TNFRSF1B: variants seen among roughly 807,000 people sequenced by gnomAD.
TNFRSF1B encodes the protein TNF receptor superfamily member 1B, also known as tumor necrosis factor receptor superfamily member 1B.
In TNFRSF1B, 19 loss-of-function variants were observed where a neutral mutation model predicts 44.6. That is an observed-to-expected ratio of 0.43 (90% confidence interval 0.30 to 0.62). The LOEUF (loss-of-function observed/expected upper bound fraction) is 0.62. Among genes scored for constraint, TNFRSF1B ranks in the 20% least tolerant of loss-of-function variants. The pLI is 0.16. For synonymous variants in TNFRSF1B, 252 were observed against 261.1 expected (o/e 0.97, Z 0.34); for missense variants, 541 against 619.9 (o/e 0.87, Z 1.35).
chr1:12,171,677 T>C lies in TNFRSF1B; in HGVS notation c.78+4508T>C, dbSNP rs964713553. On this transcript the variant is annotated intron_variant, in intron 1 of 9. Coordinates refer to ENST00000376259, the MANE Select transcript of TNFRSF1B (RefSeq NM_001066.3). The surrounding 1 kb of genome is among the most constrained non-coding windows in gnomAD (Gnocchi z 4.5). ...CAGTCAGTGCCTCTGACTTTAATTC[T>C]TTGTTGTGGGGCTGTCCCGTGAGCT... 1.3e-5 allele frequency among the ~76,000 whole-genome samples: 2 copies of C among 152,238 alleles called. No homozygotes were observed. Among genetic ancestry groups the C allele is most frequent in the African/African-American group, 4.8e-5 (2 of 41,454 alleles).
intron 1 of TNFRSF1B, among the ~76,000 whole-genome samples, chr1:12,175,210 G>A (rs1189219397): frequency 1.3e-5 from 2 of 152,240 alleles, no homozygotes; most frequent in Non-Finnish European, 2.9e-5. Flanking sequence ...GCCTGGGGCT[G>A]GGAGTCAGGG....
Position 12,193,899 on chromosome 1 carries a change from C to T in TNFRSF1B, c.788-56C>T, listed in dbSNP as rs1639207957. 3 of 1,489,052 alleles carry T rather than the reference C, an allele frequency of 2.0e-6. No homozygotes were observed. In the Admixed American group the frequency reaches 5.1e-5, roughly 25 times the overall value. 92.2% of individuals were successfully genotyped at this position (1,489,052 alleles called of 1,614,324 possible). A position where few individuals can be genotyped will look rare whatever the true frequency, so the allele number is the denominator to read the frequency against. Reference sequence around the variant, plus strand: ...GGGTCCCTGGCTTGCCTGGCTGGCCCCTGGTACATTTGAGTTTGTTTTCTG... The same window carrying T: ...GGGTCCCTGGCTTGCCTGGCTGGCCTCTGGTACATTTGAGTTTGTTTTCTG... On this transcript the variant is annotated intron_variant, in intron 6 of 9. Coordinates refer to ENST00000376259, the MANE Select transcript of TNFRSF1B (RefSeq NM_001066.3).
chr1:12,191,434 G>A (rs1052362721), intron 3 of TNFRSF1B, among the ~76,000 whole-genome samples: 14 of 151,942 alleles, frequency 9.2e-5, no homozygotes, highest in African/African-American at 3.1e-4. Context: ...ACTTCGGGGA[G>A]GAGCGGCACT....
chr1:12,194,081 G>A, intron 7 of TNFRSF1B, 49 bp downstream of exon 7: 1 of 1,510,132 alleles, frequency 6.6e-7, no homozygotes, highest in South Asian at 1.1e-5. Flanking sequence ...GGAAGCTTTT[G>A]TGGGGTGCCT....
rs1480802292 is a variant in TNFRSF1B, at chr1:12,177,271, T to G, written c.78+10102T>G. Among the ~76,000 whole-genome samples the G allele has an allele frequency of 6.6e-6, 1 of 151,924 alleles. No homozygotes were observed. Among genetic ancestry groups the G allele is most frequent in the African/African-American group, 2.4e-5 (1 of 41,336 alleles). On this transcript the variant is annotated intron_variant, in intron 1 of 9. Transcript: ENST00000376259. The surrounding 1 kb of genome is among the most constrained non-coding windows in gnomAD (Gnocchi z 4.3). ...ATCCACCTGCCTTGGCCTCCCAGAG[T>G]GCTGGGATTACAGGCGGGAGCCACC...
chr1:12,172,571 C>T (rs1306264881), intron 1 of TNFRSF1B, among the ~76,000 whole-genome samples: 1 of 152,200 alleles, frequency 6.6e-6, no homozygotes, highest in Non-Finnish European at 1.5e-5. Context: ...AGCCCCAGGG[C>T]CCTGAAGCTT....
At chr1:12,185,691 G>A (rs889010949) in intron 1 of TNFRSF1B, among the ~76,000 whole-genome samples, 1 of 152,230 alleles carries the variant, frequency 6.6e-6, no homozygotes, top group Admixed American at 6.5e-5. Context: ...GCAGGCCAGG[G>A]TGGAAAGTGC....
chr1:12,187,345 G>GT lies in TNFRSF1B; in HGVS notation c.79-1447dup, dbSNP rs1257931315. ...ATTTTGTATTTTTAGTAGAGACAGGGTTTTGCCTTGTTGGCCAGGCTGGTC... is the reference window on the plus strand; with the variant it reads ...ATTTTGTATTTTTAGTAGAGACAGGGTTTTTGCCTTGTTGGCCAGGCTGGTC... On this transcript the variant is annotated intron_variant, in intron 1 of 9. Coordinates refer to ENST00000376259, the MANE Select transcript of TNFRSF1B (RefSeq NM_001066.3). The surrounding 1 kb of genome is among the most constrained non-coding windows in gnomAD (Gnocchi z 5.5). Among the ~76,000 whole-genome samples the GT allele has an allele frequency of 6.6e-6, 1 of 152,124 alleles. No homozygotes were observed. The highest frequency in any genetic ancestry group is 2.4e-5 in the African/African-American group (1 of 41,412).
In TNFRSF1B at chr1:12,171,015, T is replaced by G. The variant is rs1017754218; in HGVS notation, c.78+3846T>G. On this transcript the variant is annotated intron_variant, in intron 1 of 9. Transcript: ENST00000376259. This position sits in a 1 kb window ranked among gnomAD's most constrained non-coding sequence, Gnocchi z 4.5. ...CTTCTTTTTTTCTATTTAATTTTTT[T>G]TTATTGAGATAGAGTCTTACTCTGT... Among the ~76,000 whole-genome samples the G allele has an allele frequency of 2.0e-5, 3 of 151,312 alleles. No homozygotes were observed. Among genetic ancestry groups the G allele is most frequent in the Non-Finnish European group, 4.4e-5 (3 of 67,834 alleles).
At chr1:12,167,572 G>A in intron 1 of TNFRSF1B, 1 of 306,648 alleles carries the variant, frequency 3.3e-6, no homozygotes, top group African/African-American at 2.3e-5. Flanking sequence ...GGTGGAGAAG[G>A]GGCTGTGCCG....
rs1638713479 is a variant in TNFRSF1B at position 12,178,494 on chromosome 1, A to G, written c.79-10302A>G. 6.6e-6 allele frequency among the ~76,000 whole-genome samples: 1 copy of G among 152,242 alleles called. No individual in the cohort carries two copies. Among genetic ancestry groups the G allele is most frequent in the Admixed American group, 6.5e-5 (1 of 15,284 alleles). On this transcript the variant is annotated intron_variant, in intron 1 of 9. Coordinates refer to ENST00000376259, the MANE Select transcript of TNFRSF1B (RefSeq NM_001066.3). The surrounding 1 kb of genome is among the most constrained non-coding windows in gnomAD (Gnocchi z 4.3). ...CGTGTCTGTGTCTGGCTCAGCGCCC[A>G]TACAAGGGTGTCAAGGTTGCGGGGA...
intron 9 of TNFRSF1B, among the ~76,000 whole-genome samples, chr1:12,204,961 G>A (rs1251049130): frequency 6.6e-6 from 1 of 151,912 alleles, no homozygotes; most frequent in Non-Finnish European, 1.5e-5. Flanking sequence ...GATCACTTGA[G>A]CCCAGGAGTT....
chr1:12,177,156 C>T lies in TNFRSF1B; in HGVS notation c.78+9987C>T, dbSNP rs1278078927. Among the ~76,000 whole-genome samples, 1 of 152,188 alleles carries T rather than the reference C, an allele frequency of 6.6e-6. No homozygotes were observed. On this transcript the variant is annotated intron_variant, in intron 1 of 9. Transcript: ENST00000376259. The surrounding 1 kb of genome is among the most constrained non-coding windows in gnomAD (Gnocchi z 4.3). ...TAGCTGGGACTACAGGCGTGCCCCA[C>T]CACGCCTGGCTAATTTTTTGTATTT...
rs1203798181 is a variant in TNFRSF1B at position 12,199,714 on chromosome 1, G to A, written c.901-2253G>A. Among the ~76,000 whole-genome samples, 1 of 152,142 alleles carries A rather than the reference G, an allele frequency of 6.6e-6. No homozygotes were observed. Among genetic ancestry groups the A allele is most frequent in the Non-Finnish European group, 1.5e-5 (1 of 68,016 alleles). ...GAGGTCTCAGCCTTTCTTGGGGGGC[G>A]GTGGCACCTGCGCTGCTCGCTCCAC... On this transcript the variant is annotated intron_variant, in intron 8 of 9. Coordinates refer to ENST00000376259, the MANE Select transcript of TNFRSF1B (RefSeq NM_001066.3). This position sits in a 1 kb window ranked among gnomAD's most constrained non-coding sequence, Gnocchi z 4.0.
chr1:12,199,915 C>T lies in TNFRSF1B; in HGVS notation c.901-2052C>T, dbSNP rs1161942813. 6.6e-6 allele frequency among the ~76,000 whole-genome samples: 1 copy of T among 152,200 alleles called. No homozygotes were observed. The highest frequency in any genetic ancestry group is 3.2e-3 in the Middle Eastern group (1 of 316). The stretch of plus-strand genomic sequence containing the variant: ...TTTTTTGCTGGGATCAGAAAACAAT[C>T]GCTTAGAATTCCAAGGCAAGGGTGT... On this transcript the variant is annotated intron_variant, in intron 8 of 9. Coordinates refer to ENST00000376259, the MANE Select transcript of TNFRSF1B (RefSeq NM_001066.3). This position sits in a 1 kb window ranked among gnomAD's most constrained non-coding sequence, Gnocchi z 4.0.
At position 12,180,021 on chromosome 1, in the gene TNFRSF1B, ATCATCTT is replaced by A. The variant is rs1638754503; in HGVS notation, c.79-8774_79-8768del. On this transcript the variant is annotated intron_variant, in intron 1 of 9. Coordinates refer to ENST00000376259, the MANE Select transcript of TNFRSF1B (RefSeq NM_001066.3). The surrounding 1 kb of genome is among the most constrained non-coding windows in gnomAD (Gnocchi z 4.3). Reference sequence around the variant, plus strand: ...CTCCCTGTGGCCACCTCCCCACCGCATCATCTTCCGTTCTCAGCGGGTAGATCCCTGC... The same window carrying A: ...CTCCCTGTGGCCACCTCCCCACCGCACCGTTCTCAGCGGGTAGATCCCTGC... 6.6e-6 allele frequency among the ~76,000 whole-genome samples: 1 copy of A among 151,814 alleles called. No individual in the cohort carries two copies. The highest frequency in any genetic ancestry group is 2.1e-4 in the South Asian group (1 of 4,804).
At chr1:12,197,670 C>T (rs138151255) in intron 8 of TNFRSF1B, among the ~76,000 whole-genome samples, 54 of 152,326 alleles carry the variant, frequency 3.5e-4, no homozygotes, top group Non-Finnish European at 7.1e-4. Flanking sequence ...CTGTGTCCCA[C>T]GCTACTCCTC....
At position 12,167,142 on chromosome 1, in the gene TNFRSF1B, G is replaced by T; in HGVS notation, c.51G>T (p.Trp17Cys). The change falls in exon 1 of 10, where the codon TGG (tryptophan) becomes TGT (cysteine). Residue 17 changes from tryptophan (W) to cysteine (C), a missense_variant. By Grantham distance (215) the Trp-to-Cys change is radical. Coordinates refer to ENST00000376259, the MANE Select transcript of TNFRSF1B (RefSeq NM_001066.3). ...CGCTGGCCGTCGGACTGGAGCTCTG[G>T]GCTGCGGCGCACGCCTTGCCCGCCC... The part of the protein sequence containing the change: ...WAALAVGLEL[W>C]AAAHALPAQV... 7.5e-7 allele frequency: 1 copy of T among 1,334,300 alleles called. No homozygotes were observed. The highest frequency in any genetic ancestry group is 1.8e-5 in the South Asian group (1 of 54,646). 82.7% of individuals were successfully genotyped at this position (1,334,300 alleles called of 1,614,324 possible).
rs1557628950 is a variant in TNFRSF1B at position 12,183,706 on chromosome 1, A to AGC, written c.79-5090_79-5089insGC. 3.6e-4 allele frequency among the ~76,000 whole-genome samples: 44 copies of AGC among 121,752 alleles called. 1 individual carries two copies. The highest frequency in any genetic ancestry group is 1.1e-3 in the African/African-American group (38 of 33,482). The allele number at this position is 121,752 out of a possible 152,430, so 79.9% of individuals were successfully genotyped here. A position where few individuals can be genotyped will look rare whatever the true frequency, so the allele number is the denominator to read the frequency against. On this transcript the variant is annotated intron_variant, in intron 1 of 9. Coordinates refer to ENST00000376259, the MANE Select transcript of TNFRSF1B (RefSeq NM_001066.3). ...TATCTATCTATCTATCTATCTATCT[A>AGC]TCTATTCTATCTACCTATCTATCTA...
Sources: allele counts gnomAD v4.1 joint callset (sites outside exome capture counted in the v4.1 genomes callset), GRCh38; gene constraint gnomAD v4.1.1; non-coding constraint Gnocchi (gnomAD v3.1); transcripts MANE v1.5; gene names NCBI Gene and HGNC (gene_info 2026-07-23, HGNC 2026-07-21).